Variants in ARHGAP39 observed in about 807,000 individuals in gnomAD.
ARHGAP39 encodes rho GTPase-activating protein 39.
ARHGAP39 carries 44 observed loss-of-function variants against 106.9 expected under a neutral mutation model. That is an observed-to-expected ratio of 0.41 (90% CI 0.32 to 0.53). The LOEUF (loss-of-function observed/expected upper bound fraction) is 0.53. Among genes scored for constraint, ARHGAP39 ranks in the 20% least tolerant of loss-of-function variants. ARHGAP39 has a pLI of 0.21. For missense variants in ARHGAP39, 1,496 were observed against 1,577.3 expected (o/e 0.95, Z 0.87); for synonymous variants, 768 against 693.2 (o/e 1.11, Z -1.69).
chr8:144,545,180 C>G, intron 6 of ARHGAP39, 69 bp downstream of exon 6: 1 of 1,369,708 alleles, frequency 7.3e-7, no homozygotes. Context: ...CCAGCTGCCG[C>G]CCAGCACAGC....
At chr8:144,564,658 A>G (rs973741548) in intron 3 of ARHGAP39, among the ~76,000 whole-genome samples, 6 of 152,328 alleles carry the variant, frequency 3.9e-5, no homozygotes, top group East Asian at 3.9e-4. Flanking sequence ...TCAAAGTTCT[A>G]GAGATAAGCA....
rs1817496936 is a variant in ARHGAP39 at position 144,547,574 on chromosome 8, G to A, written c.1512C>T (p.Ala504=). Residue 504 remains alanine (A), a synonymous_variant, in exon 5 of 12, where the codon GCC becomes GCT. Transcript: ENST00000377307. The surrounding 1 kb of genome is among the most constrained non-coding windows in gnomAD (Gnocchi z 5.2). ...RKSRKPSLCQ[A]TSATPTEGPG... ...GGCCCTCAGTGGGGGTGGCGCTGGTGGCTTGGCACAAAGAGGGCTTTCTGC... is the reference window on the plus strand; with the variant it reads ...GGCCCTCAGTGGGGGTGGCGCTGGTAGCTTGGCACAAAGAGGGCTTTCTGC... The A allele has an allele frequency of 1.4e-6, 2 of 1,473,020 alleles. No homozygotes were observed. The highest frequency in any genetic ancestry group is 1.8e-6 in the Non-Finnish European group (2 of 1,114,308). 91.2% of individuals were successfully genotyped at this position (1,473,020 alleles called of 1,614,324 possible). A position where few individuals can be genotyped will look rare whatever the true frequency, so the allele number is the denominator to read the frequency against.
intron 6 of ARHGAP39, among the ~76,000 whole-genome samples, chr8:144,539,635 C>G (rs1364012693): frequency 2.6e-5 from 4 of 152,250 alleles, no homozygotes; most frequent in African/African-American, 9.6e-5. Flanking sequence ...ATTTGGATAT[C>G]CGGTTTTCCC....
chr8:144,676,696 C>T (rs978748262), intron 1 of ARHGAP39, among the ~76,000 whole-genome samples: 2 of 152,250 alleles, frequency 1.3e-5, no homozygotes, highest in African/African-American at 4.8e-5. Flanking sequence ...GAAGCTCGTC[C>T]CAGATCAAGC....
In ARHGAP39 at chr8:144,591,543, C is replaced by A. The variant is rs1161044344; in HGVS notation, c.81-10266G>T. 6.6e-6 allele frequency among the ~76,000 whole-genome samples: 1 copy of A among 152,142 alleles called. No homozygotes were observed. The highest frequency in any genetic ancestry group is 1.5e-5 in the Non-Finnish European group (1 of 68,020). On this transcript the variant is annotated intron_variant, in intron 2 of 11. Transcript: ENST00000377307. The surrounding 1 kb of genome is among the most constrained non-coding windows in gnomAD (Gnocchi z 5.3). The stretch of plus-strand genomic sequence containing the variant: ...TTGTTCCCTGGGCGCCCCAGCCATG[C>A]GGAACCTCCTGGCTGGTCCACAGGG...
chr8:144,574,887 A>G (rs1157239666), intron 3 of ARHGAP39, among the ~76,000 whole-genome samples: 1 of 152,266 alleles, frequency 6.6e-6, no homozygotes, highest in East Asian at 1.9e-4. Context: ...ATGTGTTCTG[A>G]GAAACACGTC....
At chr8:144,690,135 C>T (rs1822713447), upstream of ARHGAP39, among the ~76,000 whole-genome samples, 1 of 151,978 alleles carries the variant, frequency 6.6e-6, no homozygotes, top group African/African-American at 2.4e-5. Context: ...TGGAGTTTCA[C>T]TCTTGTTGCC....
chr8:144,575,148 T>A (rs112671455), intron 3 of ARHGAP39, among the ~76,000 whole-genome samples: 3 of 152,124 alleles, frequency 2.0e-5, no homozygotes, highest in African/African-American at 7.2e-5. Context: ...ACACCTGTAC[T>A]GGGCACTTAC....
At chr8:144,539,176 C>T (rs1586878906) in intron 6 of ARHGAP39, among the ~76,000 whole-genome samples, 1 of 152,188 alleles carries the variant, frequency 6.6e-6, no homozygotes, top group Non-Finnish European at 1.5e-5. Context: ...CTTGCAGGTC[C>T]TCTCAGCTGA....
chr8:144,666,575 G>A (rs551273145), intron 1 of ARHGAP39, among the ~76,000 whole-genome samples: 13 of 152,248 alleles, frequency 8.5e-5, no homozygotes, highest in Non-Finnish European at 1.9e-4. Flanking sequence ...TAAGTCTCAC[G>A]AGATCTAATG....
intron 3 of ARHGAP39, among the ~76,000 whole-genome samples, chr8:144,579,245 A>G (rs1442133648): frequency 1.3e-5 from 2 of 151,954 alleles, no homozygotes; most frequent in African/African-American, 4.8e-5. Context: ...AAAAGGCTCA[A>G]AGTCATTAGT....
At position 144,548,181 on chromosome 8, in the gene ARHGAP39, G is replaced by A; in HGVS notation, c.905C>T (p.Ser302Phe). ...GGGTTCATAGCCATAGCGCGGGGAG[G>A]AGGGCTGCGAGTCCCCGGAGGGCTT... ...PRKPSGDSQPSSPRYGYEPPL... is the reference protein window; with the variant it reads ...PRKPSGDSQPFSPRYGYEPPL... The change falls in exon 5 of 12, where the codon TCC becomes TTC. Residue 302 changes from serine (S) to phenylalanine (F), a missense_variant. Ser to Phe is a radical substitution (Grantham distance 155). Coordinates refer to ENST00000377307, the MANE Select transcript of ARHGAP39 (RefSeq NM_025251.3). This position sits in a 1 kb window ranked among gnomAD's most constrained non-coding sequence, Gnocchi z 7.4. 1.3e-6 allele frequency: 2 copies of A among 1,579,360 alleles called. No individual in the cohort carries two copies. Among genetic ancestry groups the A allele is most frequent in the Non-Finnish European group, 1.7e-6 (2 of 1,161,792 alleles).
In ARHGAP39 at chr8:144,605,711, A is replaced by C. The variant is rs1820265331; in HGVS notation, c.-81-16T>G. 2 of 1,212,032 alleles carry C rather than the reference A, an allele frequency of 1.7e-6. No homozygotes were observed. The highest frequency in any genetic ancestry group is 2.5e-5 in the South Asian group (2 of 81,170). 75.1% of individuals were successfully genotyped at this position (1,212,032 alleles called of 1,614,324 possible). ...AGGTGCCGCACTGCAAGAGGGGAGAAGCAACAGTGCTGATATGGAAGACGC... is the reference window on the plus strand; with the variant it reads ...AGGTGCCGCACTGCAAGAGGGGAGACGCAACAGTGCTGATATGGAAGACGC... On this transcript the variant is annotated splice_polypyrimidine_tract_variant and intron_variant, in intron 1 of 11. Transcript: ENST00000377307.
chr8:144,618,034 G>A (rs1279253599), intron 1 of ARHGAP39, among the ~76,000 whole-genome samples: 3 of 151,924 alleles, frequency 2.0e-5, no homozygotes, highest in Non-Finnish European at 4.4e-5. Flanking sequence ...TGCCTGCCTC[G>A]GCCTCCCAAA....
intron 1 of ARHGAP39, among the ~76,000 whole-genome samples, chr8:144,614,051 C>T (rs1458982019): frequency 6.6e-6 from 1 of 152,226 alleles, no homozygotes; most frequent in Non-Finnish European, 1.5e-5. Context: ...TCCCATCCAG[C>T]ATATTTTGTA....
At chr8:144,699,345 T>A in the ARHGAP39 span, among the ~76,000 whole-genome samples, 1 of 12,416 alleles carries the variant, frequency 8.1e-5, no homozygotes. Context: ...AGGGGCACTC[T>A]GGGGAGCTGT....
intron 1 of ARHGAP39, among the ~76,000 whole-genome samples, chr8:144,652,283 T>C (rs1293705436): frequency 1.3e-5 from 2 of 151,980 alleles, no homozygotes; most frequent in East Asian, 1.9e-4. Flanking sequence ...GCTAGTGAGG[T>C]TGTGGAGAAA....
At chr8:144,612,026 A>G (rs1432383298) in intron 1 of ARHGAP39, among the ~76,000 whole-genome samples, 1 of 150,492 alleles carries the variant, frequency 6.6e-6, no homozygotes, top group Non-Finnish European at 1.5e-5. Flanking sequence ...AAAAAAAAAA[A>G]GGAGGATGAG....
chr8:144,648,121 C>T (rs779207245), intron 1 of ARHGAP39, among the ~76,000 whole-genome samples: 2 of 152,148 alleles, frequency 1.3e-5, no homozygotes, highest in Non-Finnish European at 2.9e-5. Flanking sequence ...ACCCTGAGGA[C>T]ACCATGCTAT....
Sources: allele counts gnomAD v4.1 joint callset (sites outside exome capture counted in the v4.1 genomes callset), GRCh38; gene constraint gnomAD v4.1.1; non-coding constraint Gnocchi (gnomAD v3.1); transcripts MANE v1.5; gene names NCBI Gene and HGNC (gene_info 2026-07-23, HGNC 2026-07-21).